The following CSMD1 variants were observed in gnomAD, a reference collection of about 807,000 sequenced individuals.
The protein encoded by CSMD1 is CUB and Sushi multiple domains 1.
CSMD1 carries 213 observed loss-of-function variants against 417.5 expected under a neutral mutation model. That is an observed-to-expected ratio of 0.51 (90% confidence interval 0.46 to 0.57). The LOEUF is 0.57. Ranked by LOEUF, CSMD1 falls within the 20% of genes least tolerant of loss-of-function variation. CSMD1 has a pLI of 0.00. For synonymous variants in CSMD1, 2,862 were observed against 1,736.8 expected (o/e 1.65, Z -16.11); for missense variants, 6,923 against 4,529.7 (o/e 1.53, Z -15.17).
chr8:3,090,956 T>G (rs1217269178), intron 48 of CSMD1, among the ~76,000 whole-genome samples: 4 of 152,154 alleles, frequency 2.6e-5, no homozygotes, highest in Admixed American at 2.6e-4. Context: ...AAATCACTGC[T>G]GGCAGAGAAT....
chr8:3,406,383 A>G (rs1812344179), intron 14 of CSMD1, among the ~76,000 whole-genome samples, 162 bp from the exon 15 acceptor site: 1 of 152,198 alleles, frequency 6.6e-6, no homozygotes, highest in East Asian at 1.9e-4. Context: ...ACATTAATAA[A>G]TAGGATATCA....
intron 3 of CSMD1, among the ~76,000 whole-genome samples, chr8:4,262,262 GCC>G (rs1371228597): frequency 3.9e-5 from 6 of 152,160 alleles, no homozygotes; most frequent in Admixed American, 3.3e-4. Context: ...GGTGGAGGAT[GCC>G]CTCCCTCTGT....
chr8:4,011,239 A>G (rs1329467262), intron 4 of CSMD1, among the ~76,000 whole-genome samples: 1 of 152,158 alleles, frequency 6.6e-6, no homozygotes, highest in African/African-American at 2.4e-5. Flanking sequence ...CAAGTTTTTA[A>G]GCCACGACTT....
At chr8:3,893,878 G>C (rs1210749040) in intron 5 of CSMD1, among the ~76,000 whole-genome samples, 1 of 152,052 alleles carries the variant, frequency 6.6e-6, no homozygotes, top group Non-Finnish European at 1.5e-5. Context: ...CCCCTGGTTG[G>C]AGATTTAAGA....
intron 5 of CSMD1, among the ~76,000 whole-genome samples, chr8:3,984,455 T>C (rs946973980): frequency 6.6e-6 from 1 of 152,038 alleles, no homozygotes; most frequent in Admixed American, 6.6e-5. Flanking sequence ...CACATTGATA[T>C]ATGTTTCTAT....
chr8:4,329,800 G>C (rs1234979681), intron 3 of CSMD1, among the ~76,000 whole-genome samples: 3 of 151,738 alleles, frequency 2.0e-5, no homozygotes. Context: ...TTTGCTCCAA[G>C]TTCTCATGAG....
rs759268228 is a variant in CSMD1, at chr8:4,530,314, C to CTTTTTTTTTTTTTTTTTT, written c.302+107010_302+107027dup. On this transcript the variant is annotated intron_variant, in intron 2 of 69. Coordinates refer to ENST00000635120, the MANE Select transcript of CSMD1 (RefSeq NM_033225.6). ...TTCACAGTTTATCGTACAGGTAGTG[C>CTTTTTTTTTTTTTTTTTT]TTTTTTTTTTTTTTTTTTTTTTTTT... Among the ~76,000 whole-genome samples the CTTTTTTTTTTTTTTTTTT allele has an allele frequency of 3.0e-4, 14 of 46,686 alleles. 3 individuals carry two copies. Among genetic ancestry groups the CTTTTTTTTTTTTTTTTTT allele is most frequent in the Non-Finnish European group, 4.4e-4 (12 of 27,188 alleles). The allele number at this position is 46,686 out of a possible 152,430, so 30.6% of individuals were successfully genotyped here. A position where few individuals can be genotyped will look rare whatever the true frequency, so the allele number is the denominator to read the frequency against.
chr8:4,203,551 G>A (rs896548425), intron 3 of CSMD1, among the ~76,000 whole-genome samples: 1 of 152,056 alleles, frequency 6.6e-6, no homozygotes, highest in African/African-American at 2.4e-5. Flanking sequence ...TAAACAGCTG[G>A]GTGTGAATTT....
intron 5 of CSMD1, among the ~76,000 whole-genome samples, chr8:3,984,468 G>T (rs2688390): frequency 1.3e-5 from 2 of 151,674 alleles, no homozygotes; most frequent in East Asian, 1.9e-4. Flanking sequence ...GTTTCTATAA[G>T]GTAAAGCAGC....
At position 4,145,224 on chromosome 8, in the gene CSMD1, C is replaced by T. The variant is rs1000366967; in HGVS notation, c.416-113125G>A. 6.0e-5 allele frequency among the ~76,000 whole-genome samples: 9 copies of T among 150,824 alleles called. 1 individual carries two copies. Among genetic ancestry groups the T allele is most frequent in the African/African-American group, 2.2e-4 (9 of 40,206 alleles). Reference sequence around the variant, plus strand: ...TATATTGAGTACAGATCCTCTTTTCCAAATAGGACATTCATGACCTGGACA... The same window carrying T: ...TATATTGAGTACAGATCCTCTTTTCTAAATAGGACATTCATGACCTGGACA... On this transcript the variant is annotated intron_variant, in intron 3 of 69. Transcript: ENST00000635120.
At chr8:3,316,774 G>A (rs1365842434) in intron 23 of CSMD1, among the ~76,000 whole-genome samples, 2 of 152,162 alleles carry the variant, frequency 1.3e-5, no homozygotes, top group Non-Finnish European at 2.9e-5. Context: ...ACCAAGGAGT[G>A]GAGACCAACT....
At chr8:4,650,874 G>A (rs554464712) in intron 1 of CSMD1, among the ~76,000 whole-genome samples, 2 of 152,328 alleles carry the variant, frequency 1.3e-5, no homozygotes, top group South Asian at 2.1e-4. Context: ...GATAAAGTAT[G>A]TGAACAGAAG....
At chr8:4,507,731 G>A (rs1215250401) in intron 2 of CSMD1, among the ~76,000 whole-genome samples, 2 of 152,140 alleles carry the variant, frequency 1.3e-5, no homozygotes, top group Non-Finnish European at 2.9e-5. Context: ...CAAGCTAAGA[G>A]GTAGATCAGT....
chr8:3,661,533 A>G (rs1042248843), intron 7 of CSMD1, among the ~76,000 whole-genome samples: 2 of 151,468 alleles, frequency 1.3e-5, no homozygotes, highest in East Asian at 1.9e-4. Context: ...GTCCCACTTT[A>G]TCACCCAGGC....
chr8:2,987,117 T>C (rs1805982468), intron 54 of CSMD1, among the ~76,000 whole-genome samples: 1 of 152,144 alleles, frequency 6.6e-6, no homozygotes, highest in East Asian at 1.9e-4. Flanking sequence ...TTGGATGTAT[T>C]TTTCTATCAT....
chr8:2,995,071 C>T (rs1293376754), intron 54 of CSMD1, among the ~76,000 whole-genome samples: 3 of 152,148 alleles, frequency 2.0e-5, no homozygotes, highest in Non-Finnish European at 2.9e-5. Context: ...AAAACTTGTG[C>T]TGCTCAAAGG....
At chr8:3,270,620 G>C (rs139709992) in intron 26 of CSMD1, among the ~76,000 whole-genome samples, 66 of 152,182 alleles carry the variant, frequency 4.3e-4, no homozygotes, top group Middle Eastern at 3.4e-3. Context: ...TATTATATAG[G>C]TATAATGTGT....
At chr8:4,471,031 T>C (rs916056277) in intron 2 of CSMD1, among the ~76,000 whole-genome samples, 65 of 152,326 alleles carry the variant, frequency 4.3e-4, no homozygotes, top group African/African-American at 1.4e-3. Flanking sequence ...GAAATATCTT[T>C]TGAACTTGCA....
chr8:3,961,149 C>A (rs1812296528), intron 5 of CSMD1, among the ~76,000 whole-genome samples: 1 of 152,134 alleles, frequency 6.6e-6, no homozygotes, highest in South Asian at 2.1e-4. Flanking sequence ...CCATAATAGT[C>A]TCTGTATTTC....
Sources: allele counts gnomAD v4.1 joint callset (sites outside exome capture counted in the v4.1 genomes callset), GRCh38; gene constraint gnomAD v4.1.1; transcripts MANE v1.5; gene names NCBI Gene and HGNC (gene_info 2026-07-23, HGNC 2026-07-21).